CDK12: variants seen among roughly 807,000 people sequenced by gnomAD.
CDK12 encodes the protein cyclin dependent kinase 12, also known as cyclin-dependent kinase 12.
A neutral mutation model predicts 133.8 loss-of-function variants in CDK12; 17 were observed. That is an observed-to-expected ratio of 0.13 (90% CI 0.09 to 0.19). The LOEUF (loss-of-function observed/expected upper bound fraction) is 0.19, where lower values mean the gene tolerates loss of function less well. Ranked by LOEUF, CDK12 falls within the 10% of genes least tolerant of loss-of-function variation. The probability of loss-of-function intolerance (pLI) is 1.00; values close to 1 mark genes in which losing one functional copy is unlikely to be tolerated. For missense variants in CDK12, 1,508 were observed against 1,818.7 expected, an observed-to-expected ratio of 0.83 and a Z score of 3.11; for synonymous variants, 694 against 683.6, an observed-to-expected ratio of 1.02 and a Z score of -0.24.
rs1357408568 is a variant in CDK12, at chr17:39,463,068, A to C, written c.997A>C (p.Ser333Arg). ...SPSPYGRRRS[S>R]SPFLSKRSLS... ...CAGTCCCTATGGTCGAAGGCGGTCC[A>C]GCAGCCCTTTCCTGAGCAAGCGGTC... The change falls in exon 1 of 14, where the codon AGC (serine) becomes CGC (arginine). Residue 333 changes from serine to arginine, a missense_variant. Transcript: ENST00000447079. 1 of 1,614,214 alleles carries C rather than the reference A, an allele frequency of 6.2e-7. No individual in the cohort carries two copies. Among genetic ancestry groups the C allele is most frequent in the Non-Finnish European group, 8.5e-7 (1 of 1,180,034 alleles).
chr17:39,463,320 A>G (rs1597896712), intron 1 of CDK12, among the ~76,000 whole-genome samples: 1 of 152,316 alleles, frequency 6.6e-6, no homozygotes, highest in East Asian at 1.9e-4. Context: ...TCAAACCGCC[A>G]AAGGTAGGTA....
intron 2 of CDK12, among the ~76,000 whole-genome samples, chr17:39,486,253 CTTTTTT>C (rs35710234): frequency 2.3e-5 from 2 of 86,534 alleles, no homozygotes; most frequent in South Asian, 5.1e-4. Flanking sequence ...CACCCTGCCT[CTTTTTT>C]TTTTTTTTTT....
At chr17:39,519,016 C>T (rs2053992605) in intron 10 of CDK12, among the ~76,000 whole-genome samples, 1 of 151,984 alleles carries the variant, frequency 6.6e-6, no homozygotes, top group Non-Finnish European at 1.5e-5. Context: ...ATTCTCCTGC[C>T]TTAGCCTCCT....
intron 11 of CDK12, among the ~76,000 whole-genome samples, chr17:39,523,101 A>G (rs2054283526): frequency 1.3e-5 from 2 of 152,266 alleles, no homozygotes; most frequent in Admixed American, 1.3e-4. Flanking sequence ...ATATGTCTCT[A>G]TTTAATTAAA....
In CDK12 at chr17:39,524,003, A is replaced by T. The variant is rs77114163; in HGVS notation, c.3096-671A>T. On this transcript the variant is annotated intron_variant, in intron 11 of 13. Coordinates refer to ENST00000447079, the MANE Select transcript of CDK12 (RefSeq NM_016507.4). ...ATACATTGAATATGACTTGAAACAT[A>T]TAAGGGTTTTACTGAAATTTGGGAA... Among the ~76,000 whole-genome samples the T allele has an allele frequency of 7.2e-3, 1,091 of 152,320 alleles. 13 individuals are homozygous for T. Among genetic ancestry groups the T allele is most frequent in the African/African-American group, 0.025 (1,049 of 41,554 alleles).
At chr17:39,472,311 T>C (rs1301023703) in intron 2 of CDK12, among the ~76,000 whole-genome samples, 2 of 152,100 alleles carry the variant, frequency 1.3e-5, no homozygotes, top group Non-Finnish European at 2.9e-5. Flanking sequence ...CTAATTTTGA[T>C]TAAAATTTTA....
At chr17:39,499,328 C>T (rs1367512324) in intron 5 of CDK12, among the ~76,000 whole-genome samples, 1 of 150,500 alleles carries the variant, frequency 6.6e-6, no homozygotes, top group Non-Finnish European at 1.5e-5. Flanking sequence ...ATGCCTCAGC[C>T]TCCCTGAGTA....
At chr17:39,481,653 T>TCTCTCTCTCC in intron 2 of CDK12, among the ~76,000 whole-genome samples, 3 of 13,552 alleles carry the variant, frequency 2.2e-4, no homozygotes, top group African/African-American at 5.6e-4. Flanking sequence ...TCTCTCTCTC[T>TCTCTCTCTCC]CTCTCTCTCT....
At chr17:39,524,994 G>A in intron 12 of CDK12, 109 bp downstream of exon 12, 3 of 869,602 alleles carry the variant, frequency 3.4e-6, no homozygotes, top group East Asian at 5.2e-5. Flanking sequence ...TTTTGGTCCA[G>A]TGAACCATTA....
At chr17:39,470,135 ATT>A (rs760342647) in intron 1 of CDK12, among the ~76,000 whole-genome samples, 3 of 139,642 alleles carry the variant, frequency 2.1e-5, no homozygotes, top group Non-Finnish European at 3.1e-5. Context: ...AGTTTAATCT[ATT>A]TTTTTTTTTT....
chr17:39,506,159 C>G (rs1046137281), intron 6 of CDK12, among the ~76,000 whole-genome samples: 12 of 149,708 alleles, frequency 8.0e-5, no homozygotes, highest in Admixed American at 2.7e-4. Flanking sequence ...CAGGAATTAA[C>G]AGAGAGAGGA....
At chr17:39,483,242 A>C (rs1325050193) in intron 2 of CDK12, among the ~76,000 whole-genome samples, 1 of 151,780 alleles carries the variant, frequency 6.6e-6, no homozygotes, top group Non-Finnish European at 1.5e-5. Context: ...AAGTTTGTAA[A>C]TAGTGGTGAA....
chr17:39,491,218 C>T (rs757342494), intron 3 of CDK12, among the ~76,000 whole-genome samples: 6 of 152,032 alleles, frequency 3.9e-5, no homozygotes, highest in Non-Finnish European at 8.8e-5. Context: ...TTATTGAGCA[C>T]GTATTATTGT....
chr17:39,500,215 C>T (rs2052617021), intron 5 of CDK12, among the ~76,000 whole-genome samples: 1 of 152,082 alleles, frequency 6.6e-6, no homozygotes, highest in African/African-American at 2.4e-5. Context: ...CCTGTATTCC[C>T]AGCTACATGA....
At chr17:39,508,048 G>T (rs1356645559) in intron 6 of CDK12, among the ~76,000 whole-genome samples, 1 of 152,026 alleles carries the variant, frequency 6.6e-6, no homozygotes, top group Non-Finnish European at 1.5e-5. Flanking sequence ...TGCTTGAGAC[G>T]AGAATTCTTT....
upstream of CDK12, among the ~76,000 whole-genome samples, chr17:39,545,338 C>CTATGAAGTGCTAGGGGA (rs2055632049): frequency 6.6e-6 from 1 of 151,894 alleles, no homozygotes; most frequent in Non-Finnish European, 1.5e-5. Context: ...GAGGCGTGTG[C>CTATGAAGTGCTAGGGGA]CACCATGCCT....
At chr17:39,543,174 G>T (rs1253242722), upstream of CDK12, among the ~76,000 whole-genome samples, 2 of 152,220 alleles carry the variant, frequency 1.3e-5, no homozygotes, top group Non-Finnish European at 1.5e-5. Context: ...TGAGATTACA[G>T]GAAAATGGTA....
intron 3 of CDK12, among the ~76,000 whole-genome samples, chr17:39,561,414 A>C (rs1414245916): frequency 1.3e-5 from 2 of 152,212 alleles, no homozygotes; most frequent in Non-Finnish European, 2.9e-5. Context: ...AGAGGGCATG[A>C]GCACAGTGGA....
chr17:39,472,745 T>A (rs760388670), intron 2 of CDK12, among the ~76,000 whole-genome samples: 24 of 152,168 alleles, frequency 1.6e-4, no homozygotes, highest in Admixed American at 2.6e-4. Flanking sequence ...CCCTGAAAAA[T>A]TTAACATTGA....
Sources: gnomAD v4.1 joint callset for allele counts (sites outside exome capture counted in the v4.1 genomes callset) on GRCh38, gnomAD v4.1.1 for gene constraint, MANE v1.5 for transcripts, NCBI Gene and HGNC (gene_info 2026-07-23, HGNC 2026-07-21) for gene names.